Variants in MCCC2 observed in about 807,000 individuals in gnomAD.
MCCC2 encodes methylcrotonyl-CoA carboxylase subunit 2, also known as methylcrotonoyl-CoA carboxylase beta chain, mitochondrial.
MCCC2 carries 52 observed loss-of-function variants against 77.2 expected under a neutral mutation model. The observed-to-expected ratio is 0.67, with a 90% CI of 0.54 to 0.85. The LOEUF is 0.85. MCCC2 is among the 40% of genes least tolerant of loss of function. The pLI, the probability that MCCC2 is intolerant of heterozygous loss-of-function variation, is 0.00. For synonymous variants in MCCC2, 253 were observed against 248.4 expected, an observed-to-expected ratio of 1.02 and a Z score of -0.18; for missense variants, 682 against 703.2, an observed-to-expected ratio of 0.97 and a Z score of 0.34.
rs755444986 is a variant in MCCC2, at chr5:71,650,135, T to TGGGAGGAGA, written c.1441_1442insGGAGGAGAG (p.Asn480_Val481insGlyArgArg). ...TGATGGGAGGAGAGCAGGCAGCCAA[T>TGGGAGGAGA]GTGTTGGCCACGATAACAAAGGACC... On this transcript the variant is annotated inframe_insertion, in exon 15 of 17. Coordinates refer to ENST00000340941, the MANE Select transcript of MCCC2 (RefSeq NM_022132.5). The TGGGAGGAGA allele has an allele frequency of 1.9e-5, 31 of 1,614,198 alleles. No homozygotes were observed. The highest frequency in any genetic ancestry group is 2.6e-5 in the Non-Finnish European group (31 of 1,180,030).
Position 71,596,354 on chromosome 5 carries a change from A to G in MCCC2, c.271A>G (p.Ile91Val). 3.1e-6 allele frequency: 5 copies of G among 1,606,100 alleles called. No individual in the cohort carries two copies. Among genetic ancestry groups the G allele is most frequent in the Non-Finnish European group, 3.4e-6 (4 of 1,173,114 alleles). ...GCCCAGAGAAAGAATTGACAATCTC[A>G]TAGACCCAGGGTGCGTACATAGCCA... ...LLPRERIDNL[I>V]DPGSPFLELS... The change falls in exon 3 of 17, where the codon ATA (isoleucine) becomes GTA (valine). Residue 91 changes from isoleucine to valine, a missense_variant. Transcript: ENST00000340941.
chr5:71,603,607 A>G (rs762178082), intron 5 of MCCC2, among the ~76,000 whole-genome samples: 3 of 152,082 alleles, frequency 2.0e-5, no homozygotes, highest in Non-Finnish European at 2.9e-5. Flanking sequence ...GCACGTAGAG[A>G]AAACAGCAAA....
At chr5:71,633,131 A>T (rs867862627) in intron 8 of MCCC2, among the ~76,000 whole-genome samples, 15,389 of 75,678 alleles carry the variant, frequency 0.2, 2,379 homozygotes, top group East Asian at 0.32. Flanking sequence ...ATATATATAT[A>T]TTTTTATTTT....
chr5:71,597,325 A>G (rs1745227959), intron 3 of MCCC2, among the ~76,000 whole-genome samples: 1 of 152,174 alleles, frequency 6.6e-6, no homozygotes, highest in African/African-American at 2.4e-5. Flanking sequence ...GTGGGTTATC[A>G]TAAAGGTTTT....
intron 6 of MCCC2, among the ~76,000 whole-genome samples, chr5:71,616,025 A>T (rs982296131): frequency 2.6e-5 from 4 of 152,164 alleles, no homozygotes; most frequent in Admixed American, 2.6e-4. Flanking sequence ...TGCCTCTGTG[A>T]TGAAGCCTCC....
At chr5:71,637,779 C>T (rs1308116877) in intron 10 of MCCC2, among the ~76,000 whole-genome samples, 5 of 152,082 alleles carry the variant, frequency 3.3e-5, no homozygotes, top group South Asian at 2.1e-4. Flanking sequence ...AGTGCAGTGG[C>T]GCGATCTCAG....
chr5:71,655,628 T>C (rs1257318141), intron 16 of MCCC2, among the ~76,000 whole-genome samples: 9 of 152,178 alleles, frequency 5.9e-5, no homozygotes, highest in Admixed American at 5.9e-4. Context: ...TATGAATGTT[T>C]TATGAGCAAA....
chr5:71,615,208 A>G (rs924580657), intron 6 of MCCC2, among the ~76,000 whole-genome samples: 3 of 152,228 alleles, frequency 2.0e-5, no homozygotes, highest in Non-Finnish European at 4.4e-5. Context: ...ACCTAAGGTG[A>G]CCCACCCACC....
At chr5:71,598,188 C>T (rs1745267675) in intron 3 of MCCC2, among the ~76,000 whole-genome samples, 1 of 151,476 alleles carries the variant, frequency 6.6e-6, no homozygotes, top group African/African-American at 2.4e-5. Flanking sequence ...TCTCCTGCCT[C>T]AGCCTCCCGA....
intron 3 of MCCC2, among the ~76,000 whole-genome samples, chr5:71,598,245 AT>A (rs1349288138): frequency 6.7e-6 from 1 of 148,488 alleles, no homozygotes; most frequent in African/African-American, 2.5e-5. Flanking sequence ...TAATTTTTGT[AT>A]TTTTAGTAGA....
At chr5:71,614,368 C>T (rs370427444) in intron 6 of MCCC2, among the ~76,000 whole-genome samples, 3 of 152,090 alleles carry the variant, frequency 2.0e-5, no homozygotes, top group East Asian at 1.9e-4. Flanking sequence ...GGGCAAGGCA[C>T]GGTGGTCCAC....
At chr5:71,593,046 T>C in intron 2 of MCCC2, 54 bp downstream of exon 2, 4 of 1,417,844 alleles carry the variant, frequency 2.8e-6, no homozygotes, top group Non-Finnish European at 4.0e-6. Context: ...TGTCCTAAAA[T>C]AGTTATTGCT....
intron 6 of MCCC2, among the ~76,000 whole-genome samples, chr5:71,618,895 A>C (rs1172604402): frequency 1.3e-5 from 2 of 152,108 alleles, no homozygotes; most frequent in Admixed American, 6.6e-5. Context: ...TTTGCTGTAG[A>C]TTGATCTTTG....
intron 2 of MCCC2, 21 bp downstream of exon 2, chr5:71,593,013 A>G: frequency 6.3e-7 from 1 of 1,585,822 alleles, no homozygotes; most frequent in South Asian, 1.1e-5. Flanking sequence ...CATTTATTCC[A>G]CAGCTTATGC....
chr5:71,643,855 T>C lies in MCCC2; in HGVS notation c.1109T>C (p.Val370Ala), dbSNP rs1175682468. 58 of 1,614,174 alleles carry C rather than the reference T, an allele frequency of 3.6e-5. No homozygotes were observed. The East Asian group carries it at 3.8e-4, about 11-fold the overall frequency. Residue 370 changes from valine (V) to alanine (A), a missense_variant, in exon 12 of 17, where the codon GTT becomes GCT. Val to Ala is a moderately conservative substitution (Grantham distance 64). Coordinates refer to ENST00000340941, the MANE Select transcript of MCCC2 (RefSeq NM_022132.5). ...ARIFGYPVGI[V>A]GNNGVLFSES... Reference sequence around the variant, plus strand: ...ATATTTGGGTACCCAGTAGGTATCGTTGGAAACAACGGAGTTCTCTTTTCT... The same window carrying C: ...ATATTTGGGTACCCAGTAGGTATCGCTGGAAACAACGGAGTTCTCTTTTCT...
At chr5:71,636,120 AT>A (rs1746919350) in intron 10 of MCCC2, 1 of 419,832 alleles carries the variant, frequency 2.4e-6, no homozygotes, top group Non-Finnish European at 4.8e-6. Context: ...TTCATGAAAT[AT>A]TTTCTACGGC....
chr5:71,602,419 G>A, intron 4 of MCCC2, 87 bp from the exon 5 acceptor site: 1 of 1,542,448 alleles, frequency 6.5e-7, no homozygotes, highest in Non-Finnish European at 9.0e-7. Context: ...AGAAGTTGAA[G>A]GTTGTATTGG....
chr5:71,592,295 C>T (rs781690172), intron 1 of MCCC2, among the ~76,000 whole-genome samples: 23 of 152,114 alleles, frequency 1.5e-4, no homozygotes, highest in Non-Finnish European at 3.1e-4. Flanking sequence ...GCAGGAGAAT[C>T]GCTTGATCTC....
At chr5:71,592,208 C>T (rs1029876177) in intron 1 of MCCC2, among the ~76,000 whole-genome samples, 4 of 152,096 alleles carry the variant, frequency 2.6e-5, no homozygotes, top group African/African-American at 7.2e-5. Context: ...TGGCGAAACC[C>T]GGTCTCTATT....
Sources: gnomAD v4.1 joint callset for allele counts (sites outside exome capture counted in the v4.1 genomes callset) on GRCh38, gnomAD v4.1.1 for gene constraint, MANE v1.5 for transcripts, NCBI Gene and HGNC (gene_info 2026-07-23, HGNC 2026-07-21) for gene names.